The following IFIH1 variants were observed in gnomAD, a reference collection of about 807,000 sequenced individuals.
The protein encoded by IFIH1 is interferon-induced helicase C domain-containing protein 1.
IFIH1 carries 125 observed loss-of-function variants against 107.4 expected under a neutral mutation model. That is an observed-to-expected ratio of 1.16 (90% CI 1.01 to 1.35). IFIH1 has a LOEUF of 1.35. IFIH1 is among the 40% of genes most tolerant of loss of function. The pLI, the probability that IFIH1 is intolerant of heterozygous loss-of-function variation, is 0.00. For missense variants in IFIH1, 1,333 were observed against 1,213.7 expected (o/e 1.10, Z -1.46); for synonymous variants, 458 against 413.2 (o/e 1.11, Z -1.31).
chr2:162,315,794 T>G (rs1864430), intron 1 of IFIH1, among the ~76,000 whole-genome samples: 20,720 of 152,192 alleles, frequency 0.14, 3,314 homozygotes, highest in African/African-American at 0.36. Context: ...TCTACCAAAC[T>G]TAATGCTTCC....
In IFIH1 at chr2:162,311,121, GACA is replaced by G. The variant is rs145943538; in HGVS notation, c.454-191_454-189del. ...AGTCGGCAGGGAAAAAAATCTCCGG[GACA>G]ACAACAACAACAACAACAAAAATCT... On this transcript the variant is annotated intron_variant, in intron 1 of 15. Transcript: ENST00000649979. Among the ~76,000 whole-genome samples, 13,980 of 151,520 alleles carry G rather than the reference GACA, an allele frequency of 0.092. 2,187 individuals carry two copies. Among genetic ancestry groups the G allele is most frequent in the African/African-American group, 0.32 (13,214 of 41,126 alleles).
At chr2:162,294,204 C>T (rs1576232102) in intron 3 of IFIH1, among the ~76,000 whole-genome samples, 1 of 151,920 alleles carries the variant, frequency 6.6e-6, no homozygotes, top group East Asian at 1.9e-4. Context: ...CCTGGCATCA[C>T]AGTTGTACTA....
At chr2:162,274,405 T>C (rs559712579) in intron 11 of IFIH1, among the ~76,000 whole-genome samples, 37 of 152,286 alleles carry the variant, frequency 2.4e-4, no homozygotes, top group African/African-American at 8.9e-4. Context: ...TGTATATGCA[T>C]TTGGTCACTT....
intron 1 of IFIH1, among the ~76,000 whole-genome samples, chr2:162,316,808 A>T (rs1211790973): frequency 2.0e-5 from 3 of 152,232 alleles, no homozygotes; most frequent in African/African-American, 4.8e-5. Context: ...ATTTATACAC[A>T]TCACAGTACA....
intron 4 of IFIH1, among the ~76,000 whole-genome samples, chr2:162,288,961 A>G (rs1682946575): frequency 6.7e-6 from 1 of 149,878 alleles, no homozygotes; most frequent in African/African-American, 2.5e-5. Context: ...ACACACAGAC[A>G]CCCTATCTAT....
intron 3 of IFIH1, among the ~76,000 whole-genome samples, chr2:162,302,711 C>T (rs542858307): frequency 1.3e-5 from 2 of 152,184 alleles, no homozygotes; most frequent in Non-Finnish European, 2.9e-5. Context: ...ATCAGTAATT[C>T]TTAGTCCTTA....
At chr2:162,312,579 T>C (rs1168078735) in intron 1 of IFIH1, among the ~76,000 whole-genome samples, 1 of 152,194 alleles carries the variant, frequency 6.6e-6, no homozygotes, top group African/African-American at 2.4e-5. Context: ...TGGCAAGAAG[T>C]GGTTAAAAAT....
intron 1 of IFIH1, 57 bp downstream of exon 1, chr2:162,317,798 G>A: frequency 7.1e-7 from 1 of 1,414,382 alleles, no homozygotes; most frequent in Non-Finnish European, 9.6e-7. Context: ...AACGCACAAG[G>A]AAGCCTGCTT....
Position 162,318,287 on chromosome 2 carries a change from T to G in IFIH1, c.21A>C (p.Thr7=), listed in dbSNP as rs757115617. Residue 7 remains threonine (T), a synonymous_variant, in exon 1 of 16, where the codon ACA becomes ACC. Coordinates refer to ENST00000649979, the MANE Select transcript of IFIH1 (RefSeq NM_022168.4). The part of the protein sequence containing the change: MSNGYS[T]DENFRYLISC... The stretch of plus-strand genomic sequence containing the variant: ...AGATGAGATAGCGGAAATTCTCGTC[T>G]GTGGAATACCCATTCGACATCTTTC... 1.1e-5 allele frequency: 17 copies of G among 1,613,276 alleles called. No individual in the cohort carries two copies. The South Asian group carries it at 1.9e-4, about 18-fold the overall frequency.
chr2:162,314,023 T>C (rs1683427351), intron 1 of IFIH1, among the ~76,000 whole-genome samples: 1 of 152,192 alleles, frequency 6.6e-6, no homozygotes, highest in African/African-American at 2.4e-5. Flanking sequence ...TGTTCTGAAC[T>C]GGCCAGGGAT....
intron 13 of IFIH1, among the ~76,000 whole-genome samples, chr2:162,269,193 G>A (rs950407693): frequency 6.6e-6 from 1 of 152,130 alleles, no homozygotes; most frequent in African/African-American, 2.4e-5. Context: ...CAAACCAGCA[G>A]TCAATGACAT....
intron 5 of IFIH1, among the ~76,000 whole-genome samples, chr2:162,285,735 C>T (rs1285416890): frequency 6.6e-6 from 1 of 151,816 alleles, no homozygotes; most frequent in Non-Finnish European, 1.5e-5. Context: ...TGAAAGATTC[C>T]TGGCTAGAAT....
chr2:162,270,567 G>T (rs1691015749), intron 13 of IFIH1, among the ~76,000 whole-genome samples: 1 of 152,090 alleles, frequency 6.6e-6, no homozygotes, highest in Admixed American at 6.6e-5. Flanking sequence ...AGGTTTCTTG[G>T]CCAAAGGAGA....
chr2:162,307,161 G>A (rs1156981874), intron 2 of IFIH1: 1 of 208,478 alleles, frequency 4.8e-6, no homozygotes, highest in Non-Finnish European at 9.6e-6. Context: ...TTATGGCAAG[G>A]TACTTTTAAT....
rs899590381 is a variant in IFIH1, at chr2:162,281,414, G to A, written c.1438C>T (p.Pro480Ser). ...RLKKENKPVI[P>S]LPQILGLTAS... ...GTTAGTCCCAGTATCTGAGGAAGGGGAATCACTGGTTTGTTTTCTTTCTTG... is the reference window on the plus strand; with the variant it reads ...GTTAGTCCCAGTATCTGAGGAAGGGAAATCACTGGTTTGTTTTCTTTCTTG... The change falls in exon 7 of 16, where the codon CCC (proline) becomes TCC (serine). Residue 480 changes from proline (P) to serine (S), a missense_variant. Pro to Ser is a moderately conservative substitution (Grantham distance 74, BLOSUM62 -1). Coordinates refer to ENST00000649979, the MANE Select transcript of IFIH1 (RefSeq NM_022168.4). The A allele has an allele frequency of 7.4e-6, 12 of 1,612,598 alleles. No homozygotes were observed. Among genetic ancestry groups the A allele is most frequent in the Non-Finnish European group, 1.0e-5 (12 of 1,179,108 alleles).
chr2:162,317,401 C>T (rs1683516948), intron 1 of IFIH1, among the ~76,000 whole-genome samples: 2 of 152,160 alleles, frequency 1.3e-5, no homozygotes, highest in African/African-American at 4.8e-5. Flanking sequence ...ATAAGAAAAA[C>T]ATTCAACACT....
At chr2:162,269,012 CT>C (rs1296418882) in intron 13 of IFIH1, among the ~76,000 whole-genome samples, 1 of 152,210 alleles carries the variant, frequency 6.6e-6, no homozygotes, top group Non-Finnish European at 1.5e-5. Flanking sequence ...ACCCAAATGC[CT>C]TTAATCTTTT....
At chr2:162,273,600 A>G (rs931781924) in intron 12 of IFIH1, among the ~76,000 whole-genome samples, 195 bp downstream of exon 12, 5 of 152,200 alleles carry the variant, frequency 3.3e-5, no homozygotes, top group Non-Finnish European at 5.9e-5. Context: ...TACAACAGGT[A>G]TCTGGTTATT....
At chr2:162,275,477 A>G (rs1053729864) in intron 11 of IFIH1, among the ~76,000 whole-genome samples, 4 of 152,194 alleles carry the variant, frequency 2.6e-5, no homozygotes, top group African/African-American at 9.7e-5. Context: ...AGCAAACTAC[A>G]TCTCATCAAA....
Sources: gnomAD v4.1 joint callset for allele counts (sites outside exome capture counted in the v4.1 genomes callset) on GRCh38, gnomAD v4.1.1 for gene constraint, MANE v1.5 for transcripts, NCBI Gene and HGNC (gene_info 2026-07-23, HGNC 2026-07-21) for gene names.